The following POLDIP3 variants were observed in gnomAD, a reference collection of about 807,000 sequenced individuals.
POLDIP3 encodes DNA polymerase delta interacting protein 3, also known as polymerase delta-interacting protein 3.
Under a neutral mutation model 45.1 loss-of-function variants are expected in POLDIP3, and 14 were observed. The observed-to-expected ratio is 0.31, with a 90% CI of 0.20 to 0.49. The LOEUF is 0.49. Among genes scored for constraint, POLDIP3 ranks in the 20% least tolerant of loss-of-function variants. The pLI is 0.99. For missense variants in POLDIP3, 511 were observed against 538.8 expected (o/e 0.95, Z 0.51); for synonymous variants, 223 against 205.2 (o/e 1.09, Z -0.74).
In POLDIP3 at chr22:42,585,324, C is replaced by T. The variant is rs1357491874; in HGVS notation, c.*467G>A. On this transcript the variant is annotated 3_prime_UTR_variant, in exon 9 of 9. Transcript: ENST00000252115. Reference sequence around the variant, plus strand: ...CACAGCTCTCAGGCCGACCTGGCTCCCGTCAGGACACCAGGGCTCTCCATC... The same window carrying T: ...CACAGCTCTCAGGCCGACCTGGCTCTCGTCAGGACACCAGGGCTCTCCATC... 2.0e-6 allele frequency: 1 copy of T among 493,740 alleles called. No homozygotes were observed. The highest frequency in any genetic ancestry group is 2.1e-5 in the Admixed American group (1 of 47,800). 30.6% of individuals were successfully genotyped at this position (493,740 alleles called of 1,614,324 possible).
chr22:42,608,256 C>CG (rs955570049), intron 1 of POLDIP3, among the ~76,000 whole-genome samples: 3 of 124,588 alleles, frequency 2.4e-5, no homozygotes, highest in African/African-American at 1.0e-4. Context: ...TAACCTTACC[C>CG]CCCCCCCCAA....
intron 1 of POLDIP3, among the ~76,000 whole-genome samples, chr22:42,604,390 A>T (rs2146826797): frequency 6.6e-6 from 1 of 152,282 alleles, no homozygotes; most frequent in Non-Finnish European, 1.5e-5. Flanking sequence ...AGCTTCTTAA[A>T]TACAGAGCTG....
intron 1 of POLDIP3, among the ~76,000 whole-genome samples, chr22:42,603,428 C>T (rs572561712): frequency 4.6e-5 from 7 of 152,282 alleles, no homozygotes; most frequent in Non-Finnish European, 8.8e-5. Context: ...TCCTAGACCA[C>T]GTGTCTTGAG....
intron 2 of POLDIP3, among the ~76,000 whole-genome samples, chr22:42,602,382 G>A (rs921745061): frequency 3.3e-5 from 5 of 152,210 alleles, no homozygotes; most frequent in African/African-American, 7.2e-5. Flanking sequence ...AGGGTGGCCA[G>A]GGCCTTGGAC....
Position 42,585,240 on chromosome 22 carries a change from C to A in POLDIP3, c.*551G>T, listed in dbSNP as rs755299939. The A allele has an allele frequency of 5.8e-6, 3 of 515,904 alleles. No homozygotes were observed. Among genetic ancestry groups the A allele is most frequent in the Non-Finnish European group, 1.2e-5 (3 of 258,796 alleles). The allele number at this position is 515,904 out of a possible 1,614,324, so 32.0% of individuals were successfully genotyped here. ...AGGCCTGGAGCCACTGGGGAGAGGA[C>A]AAGAGGCCTGAGACCTGCTCCCCAC... On this transcript the variant is annotated 3_prime_UTR_variant, in exon 9 of 9. Transcript: ENST00000252115.
rs970695480 is a variant in POLDIP3, at chr22:42,599,573, C to T, written c.633+125G>A. 4 of 740,836 alleles carry T rather than the reference C, an allele frequency of 5.4e-6. No homozygotes were observed. In the Admixed American group the frequency reaches 7.7e-5, roughly 14 times the overall value. 45.9% of individuals were successfully genotyped at this position (740,836 alleles called of 1,614,324 possible). ...GAGCCAAGATTGCGCCATTGCACTC[C>T]AGCAGCCTGGGGGAGAAGAGCGAGA... On this transcript the variant is annotated intron_variant, in intron 4 of 8. Transcript: ENST00000252115.
Position 42,592,002 on chromosome 22 carries a change from T to C in POLDIP3, c.974A>G (p.Asp325Gly). 6.2e-7 allele frequency: 1 copy of C among 1,614,178 alleles called. No individual in the cohort carries two copies. The highest frequency in any genetic ancestry group is 8.5e-7 in the Non-Finnish European group (1 of 1,180,030). ...CTTCTTATATGCGGTGATGGCATCG[T>C]CCTTTTTCACAAACACCACCTCCGC... ...GVAEVVFVKKDDAITAYKKYN... is the reference protein window; with the variant it reads ...GVAEVVFVKKGDAITAYKKYN... Residue 325 changes from aspartate to glycine, a missense_variant, in exon 7 of 9, where the codon GAC becomes GGC. Asp to Gly is a moderately conservative substitution (Grantham distance 94). Coordinates refer to ENST00000252115, the MANE Select transcript of POLDIP3 (RefSeq NM_032311.5).
rs566307606 is a variant in POLDIP3, at chr22:42,600,138, A to C, written c.538-345T>G. ...CTACAGAAATAAATCCAAACCCTAGAAAGAGCTTTATTTACAAAGATGTTC... is the reference window on the plus strand; with the variant it reads ...CTACAGAAATAAATCCAAACCCTAGCAAGAGCTTTATTTACAAAGATGTTC... On this transcript the variant is annotated intron_variant, in intron 3 of 8. Transcript: ENST00000252115. 1.4e-4 allele frequency among the ~76,000 whole-genome samples: 21 copies of C among 152,346 alleles called. No individual in the cohort carries two copies. In the South Asian group the frequency reaches 2.5e-3, roughly 18 times the overall value.
intron 1 of POLDIP3, among the ~76,000 whole-genome samples, chr22:42,604,884 T>C (rs1304912221): frequency 1.3e-5 from 2 of 152,170 alleles, no homozygotes; most frequent in East Asian, 1.9e-4. Flanking sequence ...GTGATGGTGG[T>C]AGAAGGTGGT....
chr22:42,589,315 A>G (rs1925522438), intron 7 of POLDIP3, among the ~76,000 whole-genome samples: 1 of 152,154 alleles, frequency 6.6e-6, no homozygotes, highest in Admixed American at 6.6e-5. Context: ...TCTTTTACTT[A>G]TTAGCTTATT....
At chr22:42,598,510 G>A (rs914985954) in intron 4 of POLDIP3, among the ~76,000 whole-genome samples, 5 of 150,628 alleles carry the variant, frequency 3.3e-5, no homozygotes, top group East Asian at 2.0e-4. Flanking sequence ...CTCGGCCTCC[G>A]AAAGTGCTGG....
Position 42,599,878 on chromosome 22 carries a change from G to A in POLDIP3, c.538-85C>T, listed in dbSNP as rs886877984. ...CTAGAACAGGCATGGCAAGGAAATG[G>A]CTGCTGGAGAAACAAAGGGACCAAG... On this transcript the variant is annotated intron_variant, in intron 3 of 8. Coordinates refer to ENST00000252115, the MANE Select transcript of POLDIP3 (RefSeq NM_032311.5). 4.0e-6 allele frequency: 4 copies of A among 994,904 alleles called. No homozygotes were observed. In the African/African-American group the frequency reaches 6.6e-5, roughly 16 times the overall value. 61.6% of individuals were successfully genotyped at this position (994,904 alleles called of 1,614,324 possible). A position where few individuals can be genotyped will look rare whatever the true frequency, so the allele number is the denominator to read the frequency against.
chr22:42,588,567 T>G (rs1209352853), intron 7 of POLDIP3, among the ~76,000 whole-genome samples: 2 of 145,190 alleles, frequency 1.4e-5, no homozygotes, highest in Admixed American at 6.9e-5. Context: ...TGAATTCAAA[T>G]AAAAAAAAAA....
At chr22:42,602,412 G>C (rs998259368) in intron 2 of POLDIP3, among the ~76,000 whole-genome samples, 1 of 152,206 alleles carries the variant, frequency 6.6e-6, no homozygotes, top group Non-Finnish European at 1.5e-5. Flanking sequence ...AATCCCACTG[G>C]GCCTGGGGGT....
chr22:42,608,259 C>CG (rs1219446583), intron 1 of POLDIP3, among the ~76,000 whole-genome samples: 5 of 130,652 alleles, frequency 3.8e-5, no homozygotes, highest in Non-Finnish European at 8.0e-5. Flanking sequence ...CCTTACCCCC[C>CG]CCCCCAAAAA....
intron 2 of POLDIP3, among the ~76,000 whole-genome samples, 166 bp downstream of exon 2, chr22:42,602,604 T>C (rs974789186): frequency 1.1e-4 from 17 of 152,236 alleles, no homozygotes; most frequent in Admixed American, 4.6e-4. Context: ...CTTCCTTGTA[T>C]AGTTCCTTGG....
intron 8 of POLDIP3, 59 bp downstream of exon 8, chr22:42,587,447 T>A: frequency 6.6e-7 from 1 of 1,511,668 alleles, no homozygotes; most frequent in African/African-American, 1.4e-5. Context: ...GTTTACCCAT[T>A]AGAACAAAAA....
In POLDIP3 at chr22:42,602,886, G is replaced by A. The variant is rs537442821; in HGVS notation, c.334C>T (p.Arg112Cys). The A allele has an allele frequency of 1.1e-5, 18 of 1,613,928 alleles. No individual in the cohort carries two copies. Among genetic ancestry groups the A allele is most frequent in the South Asian group, 8.8e-5 (8 of 91,084 alleles). The change falls in exon 2 of 9, where the codon CGC becomes TGC. Residue 112 changes from arginine (R) to cysteine (C), a missense_variant. Transcript: ENST00000252115. ...KQQTTVPQKP[R>C]QVADAREKIS... ...TTCTCCCGGGCATCAGCAACCTGGC[G>A]GGGCTTCTGGGGCACCGTGGTCTGC...
intron 4 of POLDIP3, 44 bp from the exon 5 acceptor site, chr22:42,596,409 A>G (rs1285565185): frequency 6.3e-6 from 10 of 1,581,286 alleles, no homozygotes; most frequent in Non-Finnish European, 8.7e-6. Flanking sequence ...CAGACCTGCA[A>G]TGTTCTGAAG....
Sources: allele counts gnomAD v4.1 joint callset (sites outside exome capture counted in the v4.1 genomes callset), GRCh38; gene constraint gnomAD v4.1.1; transcripts MANE v1.5; gene names NCBI Gene and HGNC (gene_info 2026-07-23, HGNC 2026-07-21).